ASTN1: variants seen among roughly 807,000 people sequenced by gnomAD.
ASTN1 encodes astrotactin-1.
A neutral mutation model predicts 140.7 loss-of-function variants in ASTN1; 41 were observed. That is an observed-to-expected ratio of 0.29 (90% CI 0.23 to 0.38). ASTN1 has a LOEUF of 0.38. Among genes scored for constraint, ASTN1 ranks in the 10% least tolerant of loss-of-function variants. The pLI is 1.00. For missense variants in ASTN1, 1,479 were observed against 1,678.8 expected (o/e 0.88, Z 2.08); for synonymous variants, 640 against 652.2 (o/e 0.98, Z 0.29).
chr1:176,919,177 C>G (rs972632), intron 16 of ASTN1, among the ~76,000 whole-genome samples: 89,652 of 152,042 alleles, frequency 0.59, 28,629 homozygotes, highest in African/African-American at 0.85. Context: ...AGGGATTATG[C>G]CTCTCATGCG....
chr1:177,152,313 T>C (rs1683073863), intron 1 of ASTN1, among the ~76,000 whole-genome samples: 1 of 152,020 alleles, frequency 6.6e-6, no homozygotes, highest in Non-Finnish European at 1.5e-5. Flanking sequence ...AACAGTAAAA[T>C]GATTTCACCA....
intron 16 of ASTN1, among the ~76,000 whole-genome samples, chr1:176,904,611 C>T (rs1327894399): frequency 6.6e-6 from 1 of 152,204 alleles, no homozygotes; most frequent in Non-Finnish European, 1.5e-5. Context: ...AAGAGCCTCC[C>T]GTGCACTTGT....
At chr1:176,965,023 A>C (rs1478195473) in intron 9 of ASTN1, 140 bp downstream of exon 9, 2 of 772,376 alleles carry the variant, frequency 2.6e-6, no homozygotes, top group East Asian at 5.0e-5. Flanking sequence ...GACTGGGGGC[A>C]AACACTTTTG....
intron 16 of ASTN1, among the ~76,000 whole-genome samples, chr1:176,897,580 T>A (rs1383853180): frequency 1.3e-5 from 2 of 151,384 alleles, no homozygotes; most frequent in Admixed American, 1.3e-4. Flanking sequence ...GAAAAAAAAA[T>A]GGATAAATCT....
chr1:177,136,119 A>G (rs1682183366), intron 1 of ASTN1, among the ~76,000 whole-genome samples: 1 of 152,078 alleles, frequency 6.6e-6, no homozygotes, highest in South Asian at 2.1e-4. Context: ...CTACTGAATA[A>G]TTTGCTCTTT....
chr1:176,986,094 T>C (rs549303789), intron 8 of ASTN1, among the ~76,000 whole-genome samples: 203 of 152,308 alleles, frequency 1.3e-3, no homozygotes, highest in Non-Finnish European at 2.4e-3. Context: ...CTAGAAGCAT[T>C]GTCTCCCTTT....
intron 8 of ASTN1, among the ~76,000 whole-genome samples, chr1:177,007,640 G>A (rs1054710384): frequency 6.6e-6 from 1 of 152,094 alleles, no homozygotes; most frequent in Admixed American, 6.6e-5. Context: ...ATCTCTGGGG[G>A]TAGACGTCTG....
downstream of ASTN1, among the ~76,000 whole-genome samples, chr1:176,858,199 A>AC (rs1667869423): frequency 6.6e-6 from 1 of 152,178 alleles, no homozygotes; most frequent in African/African-American, 2.4e-5. Flanking sequence ...ACTGCAAACT[A>AC]CCAGAACAAA....
intron 14 of ASTN1, among the ~76,000 whole-genome samples, chr1:176,942,803 A>C (rs1671775456): frequency 5.9e-5 from 6 of 101,978 alleles, no homozygotes; most frequent in Admixed American, 1.2e-4. Context: ...GACCAAACCA[A>C]TGTACTTTGT....
chr1:177,075,336 T>G (rs1678835723), intron 1 of ASTN1, among the ~76,000 whole-genome samples: 1 of 151,800 alleles, frequency 6.6e-6, no homozygotes, highest in African/African-American at 2.4e-5. Flanking sequence ...TCTCCCAAAG[T>G]GCTGGGATTA....
rs147209871 is a variant in ASTN1, at chr1:176,888,088, C to A, written c.3057G>T (p.Ala1019=). 1 of 1,614,094 alleles carries A rather than the reference C, an allele frequency of 6.2e-7. No homozygotes were observed. The highest frequency in any genetic ancestry group is 1.3e-5 in the African/African-American group (1 of 75,036). ...AFGADGLPTC[A]PLPQPVLRLS... ...AACCATACACAGGCTGTGGGAGAGG[C>A]GCACAGGTGGGGAGTCCATCAGCTC... The change falls in exon 18 of 23, where the codon GCG becomes GCT. Residue 1019 remains alanine, a synonymous_variant. Transcript: ENST00000361833.
At chr1:177,110,861 C>T (rs540839661) in intron 1 of ASTN1, among the ~76,000 whole-genome samples, 1 of 152,302 alleles carries the variant, frequency 6.6e-6, no homozygotes, top group Non-Finnish European at 1.5e-5. Context: ...TTTCAGGTTA[C>T]CTCTAATATA....
At chr1:176,998,384 A>T (rs974223671) in intron 8 of ASTN1, among the ~76,000 whole-genome samples, 1 of 152,130 alleles carries the variant, frequency 6.6e-6, no homozygotes, top group Non-Finnish European at 1.5e-5. Context: ...TGGTATATTC[A>T]TCTCCCTCCC....
At chr1:177,014,059 A>G (rs1280542609) in intron 8 of ASTN1, among the ~76,000 whole-genome samples, 1 of 152,072 alleles carries the variant, frequency 6.6e-6, no homozygotes, top group East Asian at 1.9e-4. Context: ...TAAAAAAAAA[A>G]AAAAGGCAAT....
chr1:177,074,626 C>T (rs1678800516), intron 1 of ASTN1, among the ~76,000 whole-genome samples: 1 of 152,176 alleles, frequency 6.6e-6, no homozygotes, highest in South Asian at 2.1e-4. Flanking sequence ...ATTGAGGGGA[C>T]AGAGTCCTTG....
At chr1:176,876,682 G>A (rs781455054) in intron 20 of ASTN1, 45 bp from the exon 21 acceptor site, 2 of 1,587,286 alleles carry the variant, frequency 1.3e-6, no homozygotes, top group Non-Finnish European at 1.7e-6. Context: ...CAGTGTGGCT[G>A]GAGGCTAGAT....
intron 1 of ASTN1, among the ~76,000 whole-genome samples, chr1:177,158,442 C>T (rs1456808754): frequency 6.6e-6 from 1 of 151,878 alleles, no homozygotes; most frequent in Non-Finnish European, 1.5e-5. Flanking sequence ...TTCCATAGAC[C>T]TTAACTTGTC....
chr1:176,891,653 C>T (rs1034600192), intron 17 of ASTN1, among the ~76,000 whole-genome samples: 2 of 152,016 alleles, frequency 1.3e-5, no homozygotes. Context: ...ATTAGCTGAG[C>T]ATGGTGGCAC....
rs186627373 is a variant in ASTN1 at position 176,862,534 on chromosome 1, A to C, written c.*1750T>G. On this transcript the variant is annotated 3_prime_UTR_variant, in exon 23 of 23. Transcript: ENST00000361833. ...TCCCTGTGGGGCTGAGAGCTTGGAC[A>C]GTTGTGTGCCAGATGATACTGAAAA... is the stretch of plus-strand genomic sequence containing the variant. 1.7e-5 allele frequency: 17 copies of C among 985,466 alleles called. No homozygotes were observed. The East Asian group carries it at 1.9e-3, about 112-fold the overall frequency. 61.0% of individuals were successfully genotyped at this position (985,466 alleles called of 1,614,324 possible). A position where few individuals can be genotyped will look rare whatever the true frequency, so the allele number is the denominator to read the frequency against.
Sources: allele counts gnomAD v4.1 joint callset (sites outside exome capture counted in the v4.1 genomes callset), GRCh38; gene constraint gnomAD v4.1.1; transcripts MANE v1.5; gene names NCBI Gene and HGNC (gene_info 2026-07-23, HGNC 2026-07-21).